KCNMB3: variants seen among roughly 807,000 people sequenced by gnomAD.
KCNMB3 encodes potassium calcium-activated channel subfamily M regulatory beta subunit 3, also known as calcium-activated potassium channel subunit beta-3.
KCNMB3 carries 18 observed loss-of-function variants against 11.9 expected under a neutral mutation model. The ratio of observed to expected loss-of-function variants is 1.51; its 90% confidence interval spans 1.04 to 2.23. The LOEUF (loss-of-function observed/expected upper bound fraction) is 2.23. KCNMB3 is among the 30% of genes most tolerant of loss of function. KCNMB3 has a pLI of 0.00. For synonymous variants in KCNMB3, 78 were observed against 119.2 expected (o/e 0.65, Z 2.25); for missense variants, 247 against 329.4 (o/e 0.75, Z 1.94).
At chr3:179,252,784 T>G (rs1182447248), upstream of KCNMB3, among the ~76,000 whole-genome samples, 1 of 148,034 alleles carries the variant, frequency 6.8e-6, no homozygotes, top group Non-Finnish European at 1.5e-5. Flanking sequence ...CAGGCTGGAG[T>G]GCAGTGGGGC....
rs759651617 is a variant in KCNMB3 at position 179,243,205 on chromosome 3, T to C, written c.527A>G (p.His176Arg). The C allele has an allele frequency of 1.2e-4, 167 of 1,394,632 alleles. No individual in the cohort carries two copies. Among genetic ancestry groups the C allele is most frequent in the Non-Finnish European group, 1.6e-4 (164 of 999,360 alleles). 86.4% of individuals were successfully genotyped at this position (1,394,632 alleles called of 1,614,324 possible). ...GCATGAAAAGGGGGTTCCATTTTTG[T>C]GATCGAAGAATTCTTTTATGTCCAG... is the stretch of plus-strand genomic sequence containing the variant. ...SALDIKEFFD[H>R]KNGTPFSCFY... Residue 176 changes from histidine (H) to arginine (R), a missense_variant, in exon 3 of 3, where the codon CAC becomes CGC. Transcript: ENST00000392685.
chr3:179,248,707 G>A (rs1398766031), intron 1 of KCNMB3, among the ~76,000 whole-genome samples: 4 of 143,694 alleles, frequency 2.8e-5, no homozygotes, highest in Admixed American at 1.4e-4. Flanking sequence ...CAGCCTGGGT[G>A]ACAGAGTGAC....
chr3:179,240,092 TAC>T (rs1296650151), downstream of KCNMB3: 1 of 1,462,442 alleles, frequency 6.8e-7, no homozygotes, highest in East Asian at 2.5e-5. Context: ...AAAGAAAAAT[TAC>T]TTTTTGTGTC....
At chr3:179,262,065 T>C (rs1257594673) in intron 1 of KCNMB3, among the ~76,000 whole-genome samples, 2 of 152,212 alleles carry the variant, frequency 1.3e-5, no homozygotes, top group African/African-American at 4.8e-5. Flanking sequence ...TAGCATTGTT[T>C]CACTGATTAA....
At chr3:179,261,623 T>C (rs1470636960) in intron 1 of KCNMB3, among the ~76,000 whole-genome samples, 1 of 150,958 alleles carries the variant, frequency 6.6e-6, no homozygotes, top group Non-Finnish European at 1.5e-5. Flanking sequence ...GAAAGCAATA[T>C]GAATTCAGTA....
intron 1 of KCNMB3, among the ~76,000 whole-genome samples, chr3:179,257,690 G>A (rs1007614108): frequency 6.6e-6 from 1 of 152,134 alleles, no homozygotes; most frequent in Non-Finnish European, 1.5e-5. Context: ...TTCAAACAAA[G>A]AGAAGTAATT....
chr3:179,240,272 T>C, downstream of KCNMB3: 2 of 491,708 alleles, frequency 4.1e-6, no homozygotes, highest in Admixed American at 3.7e-5. Context: ...TATTATACCT[T>C]AAAAGCCAAT....
At chr3:179,256,269 C>G (rs1390002819), upstream of KCNMB3, among the ~76,000 whole-genome samples, 5 of 152,070 alleles carry the variant, frequency 3.3e-5, no homozygotes, top group Non-Finnish European at 7.4e-5. Context: ...AACCCCATCT[C>G]TACAAAAAAT....
At position 179,250,863 on chromosome 3, in the gene KCNMB3, T is replaced by C. The variant is rs1277340117; in HGVS notation, c.128A>G (p.Lys43Arg). The C allele has an allele frequency of 5.6e-6, 9 of 1,614,028 alleles. No homozygotes were observed. Among genetic ancestry groups the C allele is most frequent in the African/African-American group, 1.3e-5 (1 of 74,912 alleles). ...YSDGDPLDVHKRLPSSAGEDR... is the reference protein window; with the variant it reads ...YSDGDPLDVHRRLPSSAGEDR... ...CTCTCCAGCACTGGATGGCAGCCTC[T>C]TGTGCACATCTAGTGGGTCTCCATC... The change falls in exon 1 of 3, where the codon AAG becomes AGG. Residue 43 changes from lysine (K) to arginine (R), a missense_variant. This residue lies in a region of KCNMB3 where 160 missense variants were observed against 157.5 expected (regional missense o/e 1.02). Transcript: ENST00000392685.
chr3:179,254,455 C>T (rs761109210), upstream of KCNMB3, among the ~76,000 whole-genome samples: 19 of 152,316 alleles, frequency 1.2e-4, no homozygotes, highest in Middle Eastern at 6.8e-3. Context: ...GTGCCCTCTG[C>T]AACCTGGCAA....
At chr3:179,241,592 T>C (rs1003910359), downstream of KCNMB3, 2 of 152,522 alleles carry the variant, frequency 1.3e-5, no homozygotes, top group Non-Finnish European at 2.9e-5. Flanking sequence ...TTTTTGAGTA[T>C]AATAAAATTT....
chr3:179,265,108 G>T (rs1034058739), intron 1 of KCNMB3, among the ~76,000 whole-genome samples: 2 of 152,128 alleles, frequency 1.3e-5, no homozygotes, highest in African/African-American at 4.8e-5. Context: ...TTGTTTGCTT[G>T]CATGTTTGTC....
At chr3:179,248,727 CAAAAAA>C (rs543706677) in intron 1 of KCNMB3, among the ~76,000 whole-genome samples, 1 of 80,272 alleles carries the variant, frequency 1.2e-5, no homozygotes, top group Non-Finnish European at 2.4e-5. Flanking sequence ...CACCCTGCTT[CAAAAAA>C]AAAAAAAAAA....
intron 1 of KCNMB3, among the ~76,000 whole-genome samples, chr3:179,248,311 A>G (rs1156410551): frequency 6.6e-6 from 1 of 152,224 alleles, no homozygotes; most frequent in African/African-American, 2.4e-5. Context: ...TATTGAGCAT[A>G]CAGCATATAC....
chr3:179,254,466 A>G (rs1725946773), upstream of KCNMB3, among the ~76,000 whole-genome samples: 2 of 152,208 alleles, frequency 1.3e-5, no homozygotes, highest in Admixed American at 6.5e-5. Context: ...AACCTGGCAA[A>G]TTTAAATACG....
intron 1 of KCNMB3, chr3:179,259,582 C>T (rs552146320): frequency 1.2e-6 from 2 of 1,608,100 alleles, no homozygotes; most frequent in Admixed American, 1.7e-5. Context: ...TCGTTTTGGG[C>T]TTCCACTGCT....
intron 1 of KCNMB3, among the ~76,000 whole-genome samples, chr3:179,265,297 CCT>C (rs906714821): frequency 2.0e-5 from 3 of 152,168 alleles, no homozygotes; most frequent in African/African-American, 4.8e-5. Flanking sequence ...CTCAAATACC[CCT>C]GAGTGCAGTT....
Position 179,250,978 on chromosome 3 carries a change from G to C in KCNMB3, c.13C>G (p.Leu5Val). MFPL[L>V]YELTAVSPSP... ...GGAGATACTGCAGTGAGCTCATAAA[G>C]AAGGGGGAACATTTCCAATCCATGG... Residue 5 changes from leucine to valine, a missense_variant, in exon 1 of 3, where the codon CTT becomes GTT. Leu to Val is a conservative substitution (Grantham distance 32). Around this residue, in one of 2 missense-constraint regions of KCNMB3, gnomAD observed 160 missense variants for 157.5 expected, o/e 1.02. Transcript: ENST00000392685. 6.2e-7 allele frequency: 1 copy of C among 1,614,202 alleles called. No homozygotes were observed. The highest frequency in any genetic ancestry group is 8.5e-7 in the Non-Finnish European group (1 of 1,180,038).
intron 1 of KCNMB3, among the ~76,000 whole-genome samples, chr3:179,263,124 T>C (rs1218478216): frequency 6.6e-6 from 1 of 152,150 alleles, no homozygotes; most frequent in Admixed American, 6.5e-5. Context: ...TCAGGGAGGC[T>C]CGGGCGGCAC....
Sources: allele counts gnomAD v4.1 joint callset (sites outside exome capture counted in the v4.1 genomes callset), GRCh38; gene constraint gnomAD v4.1.1; regional missense constraint gnomAD v4.1.1; transcripts MANE v1.5; gene names NCBI Gene and HGNC (gene_info 2026-07-23, HGNC 2026-07-21).